Variants in PARP16 observed in about 807,000 individuals in gnomAD.
PARP16 encodes the protein poly(ADP-ribose) polymerase family member 16.
Under a neutral mutation model 35.0 loss-of-function variants are expected in PARP16, and 31 were observed. The observed-to-expected ratio is 0.88, with a 90% CI of 0.66 to 1.19. PARP16 has a LOEUF of 1.19. PARP16 is among the 50% of genes most tolerant of loss of function. PARP16 has a pLI of 0.00. For missense variants in PARP16, 424 were observed against 411.2 expected (o/e 1.03, Z -0.27); for synonymous variants, 162 against 169.5 (o/e 0.96, Z 0.34).
At chr15:65,234,130 A>C (rs1479829172), downstream of PARP16, among the ~76,000 whole-genome samples, 5 of 152,144 alleles carry the variant, frequency 3.3e-5, no homozygotes, top group Non-Finnish European at 7.3e-5. Flanking sequence ...ACACAGATAA[A>C]ATGTATGTTT....
At chr15:65,260,032 G>C (rs532248377) in intron 5 of PARP16, among the ~76,000 whole-genome samples, 1 of 152,270 alleles carries the variant, frequency 6.6e-6, no homozygotes, top group East Asian at 1.9e-4. Flanking sequence ...GAAAGGAATG[G>C]AATTTTCAAG....
chr15:65,246,386 G>A (rs1271926644), intron 3 of PARP16, among the ~76,000 whole-genome samples: 1 of 152,288 alleles, frequency 6.6e-6, no homozygotes, highest in African/African-American at 2.4e-5. Context: ...AGGGGTCATG[G>A]AGGTCTCCTT....
chr15:65,253,393 G>C (rs956285701), downstream of PARP16, among the ~76,000 whole-genome samples: 3 of 150,662 alleles, frequency 2.0e-5, no homozygotes, highest in South Asian at 2.1e-4. Context: ...TGCAGTGGCG[G>C]GATCTCGGCT....
rs886247700 is a variant in PARP16, at chr15:65,286,273, A to T, written c.154T>A (p.Cys52Ser). Residue 52 changes from cysteine to serine, a missense_variant, in exon 1 of 6, where the codon TGT becomes AGT. Cys to Ser is a moderately radical substitution (Grantham distance 112, BLOSUM62 -1). Coordinates refer to ENST00000649807, the MANE Select transcript of PARP16 (RefSeq NM_001316943.2). ...PFPASYARGD[C>S]KDFEALLADA... ...CTCACCAGGGCTTCAAAGTCCTTAC[A>T]GTCGCCGCGGGCGTAGGACGCGGGG... 12 of 1,591,330 alleles carry T rather than the reference A, an allele frequency of 7.5e-6. No homozygotes were observed. The highest frequency in any genetic ancestry group is 1.4e-5 in the African/African-American group (1 of 72,380).
At position 65,286,283 on chromosome 15, in the gene PARP16, G is replaced by A. The variant is rs751771181; in HGVS notation, c.144C>T (p.Ala48=). The change falls in exon 1 of 6, where the codon GCC becomes GCT. Residue 48 remains alanine (A), a synonymous_variant. Transcript: ENST00000649807. ...SVLRPFPASY[A]RGDCKDFEAL... is the part of the protein sequence containing the mutation. ...CTTCAAAGTCCTTACAGTCGCCGCG[G>A]GCGTAGGACGCGGGGAAGGGCCGCA... The A allele has an allele frequency of 6.3e-7, 1 of 1,596,452 alleles. No individual in the cohort carries two copies.
At chr15:65,235,325 A>G (rs2088848254) in intron 3 of PARP16, among the ~76,000 whole-genome samples, 1 of 151,940 alleles carries the variant, frequency 6.6e-6, no homozygotes, top group Non-Finnish European at 1.5e-5. Context: ...AAAATTAATA[A>G]AAAATAAAAT....
chr15:65,242,706 TTTTA>T (rs1207275485), intron 3 of PARP16, among the ~76,000 whole-genome samples: 4 of 152,080 alleles, frequency 2.6e-5, no homozygotes, highest in Non-Finnish European at 5.9e-5. Flanking sequence ...CAGTTATTCA[TTTTA>T]TTTATTTATT....
rs535355262 is a variant in PARP16, at chr15:65,261,082, C to T, written c.692-56G>A. On this transcript the variant is annotated intron_variant, in intron 4 of 5. Coordinates refer to ENST00000649807, the MANE Select transcript of PARP16 (RefSeq NM_001316943.2). ...TGGGGGAAACAGAACTAAGGAAGCACATTATAAATAGAAATAAGTCAAGCC... is the reference window on the plus strand; with the variant it reads ...TGGGGGAAACAGAACTAAGGAAGCATATTATAAATAGAAATAAGTCAAGCC... The T allele has an allele frequency of 1.5e-5, 23 of 1,548,910 alleles. No homozygotes were observed. The South Asian group carries it at 1.5e-4, about 10-fold the overall frequency.
chr15:65,263,628 T>G (rs561244107), intron 3 of PARP16, among the ~76,000 whole-genome samples: 2 of 152,326 alleles, frequency 1.3e-5, no homozygotes, highest in African/African-American at 4.8e-5. Context: ...AACCTCGGTT[T>G]GAATCCTCCA....
Position 65,263,263 on chromosome 15 carries a change from A to G in PARP16, c.577T>C (p.Tyr193His). ...TGCCACCCATGGCCATGGGGGCTGT[A>G]TATGAGGGCCAGGCTCAAGTCACTG... is the stretch of plus-strand genomic sequence containing the variant. The part of the protein sequence containing the change: ...LTSDLSLALI[Y>H]SPHGHGWQHS... The change falls in exon 4 of 6, where the codon TAC becomes CAC. Residue 193 changes from tyrosine (Y) to histidine (H), a missense_variant. By Grantham distance (83) the Tyr-to-His change is moderately conservative (BLOSUM62 2). Coordinates refer to ENST00000649807, the MANE Select transcript of PARP16 (RefSeq NM_001316943.2). 6.2e-7 allele frequency: 1 copy of G among 1,613,600 alleles called. No homozygotes were observed. Among genetic ancestry groups the G allele is most frequent in the East Asian group, 2.2e-5 (1 of 44,866 alleles).
At chr15:65,254,816 GCAAT>G (rs2089456236), downstream of PARP16, among the ~76,000 whole-genome samples, 2 of 152,100 alleles carry the variant, frequency 1.3e-5, no homozygotes, top group African/African-American at 2.4e-5. Context: ...GGTTTTGTAG[GCAAT>G]CAGTGTTTAA....
chr15:65,248,448 C>T (rs1177728780), intron 2 of PARP16, among the ~76,000 whole-genome samples: 5 of 151,966 alleles, frequency 3.3e-5, no homozygotes, highest in Admixed American at 3.3e-4. Context: ...GCAGTAGAGG[C>T]CCACACTTTC....
intron 1 of PARP16, among the ~76,000 whole-genome samples, chr15:65,280,185 C>T (rs562512002): frequency 9.0e-4 from 137 of 151,994 alleles, no homozygotes; most frequent in African/African-American, 3.2e-3. Context: ...GCCTGTAATC[C>T]CAGCATTTTG....
At chr15:65,280,436 CAA>C (rs11450302) in intron 1 of PARP16, among the ~76,000 whole-genome samples, 7 of 60,918 alleles carry the variant, frequency 1.1e-4, no homozygotes, top group Admixed American at 2.0e-4. Context: ...GAACTCGTCT[CAA>C]AAAAAAAAAA....
chr15:65,252,712 C>G (rs987314715), intron 2 of PARP16, among the ~76,000 whole-genome samples: 2 of 152,212 alleles, frequency 1.3e-5, no homozygotes, highest in Non-Finnish European at 2.9e-5. Flanking sequence ...TTTCGCCACC[C>G]TCTCCTAACT....
chr15:65,266,172 C>A (rs1697648331), intron 3 of PARP16, among the ~76,000 whole-genome samples: 1 of 152,078 alleles, frequency 6.6e-6, no homozygotes, highest in Non-Finnish European at 1.5e-5. Flanking sequence ...CTCCCAAAGT[C>A]CTGGGATTAC....
chr15:65,252,898 G>GT (rs1012660932), intron 2 of PARP16, among the ~76,000 whole-genome samples: 11 of 152,158 alleles, frequency 7.2e-5, no homozygotes, highest in African/African-American at 2.4e-4. Context: ...GGAGGTCAAG[G>GT]TGGGCAGATC....
At chr15:65,236,748 G>A (rs1248358730) in intron 3 of PARP16, among the ~76,000 whole-genome samples, 11 of 152,228 alleles carry the variant, frequency 7.2e-5, no homozygotes, top group South Asian at 4.1e-4. Context: ...CGAGGTGGGC[G>A]GATCACGAGG....
In PARP16 at chr15:65,277,275, T is replaced by TA. The variant is rs78245436; in HGVS notation, c.175-6204dup. On this transcript the variant is annotated intron_variant, in intron 1 of 5. Coordinates refer to ENST00000649807, the MANE Select transcript of PARP16 (RefSeq NM_001316943.2). ...CCACGTGAAGCCTTCCCTGACCACCTACAACCTCTGTACTCAATAATTGTA... is the reference window on the plus strand; with the variant it reads ...CCACGTGAAGCCTTCCCTGACCACCTAACAACCTCTGTACTCAATAATTGTA... Among the ~76,000 whole-genome samples the TA allele has an allele frequency of 1.1e-4, 17 of 152,272 alleles. No individual in the cohort carries two copies. The East Asian group carries it at 3.3e-3, about 29-fold the overall frequency.
Sources: gnomAD v4.1 joint callset for allele counts (sites outside exome capture counted in the v4.1 genomes callset) on GRCh38, gnomAD v4.1.1 for gene constraint, MANE v1.5 for transcripts, NCBI Gene and HGNC (gene_info 2026-07-23, HGNC 2026-07-21) for gene names.